Variants in FRMD3 observed in about 807,000 individuals in gnomAD.
FRMD3 encodes the protein FERM domain containing 3.
Under a neutral mutation model 70.2 loss-of-function variants are expected in FRMD3, and 33 were observed. The observed-to-expected ratio is 0.47, with a 90% CI of 0.36 to 0.63. FRMD3 has a LOEUF of 0.63. Among genes scored for constraint, FRMD3 ranks in the 20% least tolerant of loss-of-function variants. The pLI is 0.00. For missense variants in FRMD3, 632 were observed against 711.4 expected, an observed-to-expected ratio of 0.89 and a Z score of 1.27; for synonymous variants, 279 against 255.9, an observed-to-expected ratio of 1.09 and a Z score of -0.86.
chr9:83,496,056 A>G (rs1240798895), intron 1 of FRMD3, among the ~76,000 whole-genome samples: 1 of 152,190 alleles, frequency 6.6e-6, no homozygotes, highest in Non-Finnish European at 1.5e-5. Flanking sequence ...GAAGTATGAG[A>G]CCTTCTTACA....
chr9:83,561,399 C>T, the FRMD3 span, among the ~76,000 whole-genome samples: 1 of 152,142 alleles, frequency 6.6e-6, no homozygotes, highest in African/African-American at 2.4e-5. Flanking sequence ...CTTCATTCAA[C>T]AATCATTTAC....
At chr9:83,498,732 C>A (rs994858821) in intron 1 of FRMD3, among the ~76,000 whole-genome samples, 2 of 131,580 alleles carry the variant, frequency 1.5e-5, no homozygotes, top group Non-Finnish European at 3.4e-5. Flanking sequence ...AAAGCTATCA[C>A]CCCTTTAAAA....
intron 1 of FRMD3, among the ~76,000 whole-genome samples, chr9:83,519,432 C>G (rs573853730): frequency 6.6e-6 from 1 of 152,112 alleles, no homozygotes; most frequent in Non-Finnish European, 1.5e-5. Context: ...CAAATCAAAA[C>G]CACAATGAGA....
At chr9:83,383,703 G>A (rs1182074014) in intron 2 of FRMD3, among the ~76,000 whole-genome samples, 2 of 152,186 alleles carry the variant, frequency 1.3e-5, no homozygotes, top group Non-Finnish European at 2.9e-5. Flanking sequence ...ACCTTGGATA[G>A]CTTCCTGATT....
intron 5 of FRMD3, among the ~76,000 whole-genome samples, chr9:83,337,383 C>T (rs1823615904): frequency 6.6e-6 from 1 of 152,172 alleles, no homozygotes; most frequent in Non-Finnish European, 1.5e-5. Context: ...TCCAGAGGAT[C>T]TTCAAGGGTA....
At chr9:83,358,683 T>C (rs1366635490) in intron 3 of FRMD3, among the ~76,000 whole-genome samples, 1 of 149,658 alleles carries the variant, frequency 6.7e-6, no homozygotes, top group African/African-American at 2.4e-5. Flanking sequence ...TATTTATTTA[T>C]TTATTTATTT....
chr9:83,537,623 C>T lies in FRMD3; in HGVS notation c.147+462G>A, dbSNP rs563620907. Among the ~76,000 whole-genome samples, 5 of 152,214 alleles carry T rather than the reference C, an allele frequency of 3.3e-5. 1 individual carries two copies. In the South Asian group the frequency reaches 8.3e-4, roughly 25 times the overall value. On this transcript the variant is annotated intron_variant, in intron 1 of 13. Coordinates refer to ENST00000304195, the MANE Select transcript of FRMD3 (RefSeq NM_174938.6). The surrounding 1 kb of genome is among the most constrained non-coding windows in gnomAD (Gnocchi z 4.1). ...CAGGTTCCGGGACTGAGGGCGTCTCCGGAGCCTGGGCGCGGGAGACAGAAA... is the reference window on the plus strand; with the variant it reads ...CAGGTTCCGGGACTGAGGGCGTCTCTGGAGCCTGGGCGCGGGAGACAGAAA...
chr9:83,420,159 C>G (rs982338333), intron 1 of FRMD3, among the ~76,000 whole-genome samples: 1 of 152,208 alleles, frequency 6.6e-6, no homozygotes, highest in African/African-American at 2.4e-5. Flanking sequence ...CTCTGTTACC[C>G]TGTAAACTCT....
intron 1 of FRMD3, among the ~76,000 whole-genome samples, chr9:83,455,825 A>T (rs542828218): frequency 6.6e-6 from 1 of 152,324 alleles, no homozygotes; most frequent in East Asian, 1.9e-4. Flanking sequence ...TAAATATTGC[A>T]TAGATTATAT....
At chr9:83,280,511 G>C (rs1833938948) in intron 13 of FRMD3, among the ~76,000 whole-genome samples, 1 of 152,196 alleles carries the variant, frequency 6.6e-6, no homozygotes, top group African/African-American at 2.4e-5. Context: ...ACCATAACTA[G>C]AGCAGACAGT....
Position 83,357,288 on chromosome 9 carries a change from TATATATATAA to T in FRMD3, c.296-7541_296-7532del, listed in dbSNP as rs1824429589. Among the ~76,000 whole-genome samples, 20 of 86,958 alleles carry T rather than the reference TATATATATAA, an allele frequency of 2.3e-4. 1 individual carries two copies. Among genetic ancestry groups the T allele is most frequent in the Non-Finnish European group, 3.9e-4 (17 of 43,626 alleles). The allele number at this position is 86,958 out of a possible 152,430, so 57.0% of individuals were successfully genotyped here. On this transcript the variant is annotated intron_variant, in intron 3 of 13. Coordinates refer to ENST00000304195, the MANE Select transcript of FRMD3 (RefSeq NM_174938.6). ...ATATATATATATATATATATATATA[TATATATATAA>T]AACATTTTCTTTATCCACTCATTGA...
chr9:83,479,286 AAAGAAG>A (rs3084910), intron 1 of FRMD3, among the ~76,000 whole-genome samples: 279 of 145,064 alleles, frequency 1.9e-3, no homozygotes, highest in African/African-American at 4.5e-3. Context: ...TGTGTCTCTA[AAAGAAG>A]AAGAAGAAGA....
chr9:83,378,956 G>A (rs1825274834), intron 2 of FRMD3, among the ~76,000 whole-genome samples: 1 of 149,498 alleles, frequency 6.7e-6, no homozygotes, highest in African/African-American at 2.5e-5. Flanking sequence ...TCAAACTCCT[G>A]ACCTCAAGTG....
chr9:83,390,105 G>A (rs752179727), intron 1 of FRMD3, among the ~76,000 whole-genome samples: 8 of 152,070 alleles, frequency 5.3e-5, no homozygotes, highest in African/African-American at 1.9e-4. Context: ...CTAATTCCTC[G>A]GTACATATTC....
intron 1 of FRMD3, among the ~76,000 whole-genome samples, chr9:83,479,262 C>A (rs1267364922): frequency 1.3e-5 from 2 of 148,838 alleles, no homozygotes; most frequent in Non-Finnish European, 3.0e-5. Flanking sequence ...CCAGCCTGGG[C>A]AACAAAGTGA....
At chr9:83,497,307 T>C (rs1828964762) in intron 1 of FRMD3, among the ~76,000 whole-genome samples, 1 of 152,090 alleles carries the variant, frequency 6.6e-6, no homozygotes, top group Admixed American at 6.5e-5. Flanking sequence ...CCAAAAGATC[T>C]CAAGGTAAAT....
chr9:83,420,662 G>A (rs1826606004), intron 1 of FRMD3, among the ~76,000 whole-genome samples: 1 of 152,148 alleles, frequency 6.6e-6, no homozygotes, highest in Admixed American at 6.5e-5. Flanking sequence ...TGTTGGAGGT[G>A]GGCCCTGGTG....
chr9:83,331,375 A>G (rs184158135), intron 6 of FRMD3, among the ~76,000 whole-genome samples: 40 of 152,318 alleles, frequency 2.6e-4, no homozygotes, highest in Admixed American at 9.2e-4. Flanking sequence ...TATGATTCCA[A>G]CTATGACATT....
At chr9:83,456,431 TGAGTCAGAGA>T (rs1426927446) in intron 1 of FRMD3, among the ~76,000 whole-genome samples, 1 of 152,204 alleles carries the variant, frequency 6.6e-6, no homozygotes, top group East Asian at 1.9e-4. Flanking sequence ...ATGGAACTGT[TGAGTCAGAGA>T]GAGAGAGGTA....
Sources: allele counts gnomAD v4.1 joint callset (sites outside exome capture counted in the v4.1 genomes callset), GRCh38; gene constraint gnomAD v4.1.1; non-coding constraint Gnocchi (gnomAD v3.1); transcripts MANE v1.5; gene names NCBI Gene and HGNC (gene_info 2026-07-23, HGNC 2026-07-21).